LGR6: variants seen among roughly 807,000 people sequenced by gnomAD.
LGR6 encodes leucine rich repeat containing G protein-coupled receptor 6, also known as leucine-rich repeat-containing G protein-coupled receptor 6.
In LGR6, 45 loss-of-function variants were observed where a neutral mutation model predicts 69.4. The ratio of observed to expected loss-of-function variants is 0.65; its 90% CI spans 0.51 to 0.83. The LOEUF is 0.83. Among genes scored for constraint, LGR6 ranks in the 40% least tolerant of loss-of-function variants. The probability of loss-of-function intolerance (pLI) is 0.00; values close to 1 mark genes in which losing one functional copy is unlikely to be tolerated. For synonymous variants in LGR6, 538 were observed against 555.0 expected (o/e 0.97, Z 0.43); for missense variants, 1,108 against 1,246.7 (o/e 0.89, Z 1.68).
intron 2 of LGR6, among the ~76,000 whole-genome samples, chr1:202,226,028 T>G (rs1387905681): frequency 1.3e-5 from 2 of 152,314 alleles, no homozygotes; most frequent in Non-Finnish European, 1.5e-5. Context: ...GCCTAAAGGA[T>G]CCATTTCTTA....
intron 9 of LGR6, among the ~76,000 whole-genome samples, chr1:202,302,416 A>C (rs941748368): frequency 6.6e-6 from 1 of 152,090 alleles, no homozygotes; most frequent in African/African-American, 2.4e-5. Context: ...AGGGCTTTTC[A>C]CAACACTCAA....
intron 4 of LGR6, among the ~76,000 whole-genome samples, chr1:202,267,226 A>G (rs3010080): frequency 0.47 from 71,594 of 151,970 alleles, 17,782 homozygotes; most frequent in East Asian, 0.7. Context: ...CCCAAGATGG[A>G]GGGATGATGG....
chr1:202,250,149 G>C (rs1663105252), intron 4 of LGR6, among the ~76,000 whole-genome samples: 1 of 152,002 alleles, frequency 6.6e-6, no homozygotes, highest in Admixed American at 6.5e-5. Flanking sequence ...CTTGCTCCTA[G>C]TTCTCCTTCT....
chr1:202,215,348 G>A (rs1659706512), intron 1 of LGR6, among the ~76,000 whole-genome samples: 1 of 152,156 alleles, frequency 6.6e-6, no homozygotes, highest in African/African-American at 2.4e-5. Context: ...CCCTGGCTGG[G>A]AGCTCAGGGA....
chr1:202,235,872 C>A, intron 3 of LGR6, 50 bp from the exon 4 acceptor site: 1 of 1,553,900 alleles, frequency 6.4e-7, no homozygotes, highest in Non-Finnish European at 8.9e-7. Flanking sequence ...ACCCTCCAGC[C>A]AGCTCTGCAT....
chr1:202,317,887 C>G, intron 17 of LGR6, 65 bp from the exon 18 acceptor site: 2 of 1,445,036 alleles, frequency 1.4e-6, no homozygotes, highest in Non-Finnish European at 9.4e-7. Context: ...AGAGGCTGAC[C>G]TTGGTCCTGA....
At chr1:202,286,123 A>G (rs1666377200) in intron 6 of LGR6, among the ~76,000 whole-genome samples, 1 of 152,136 alleles carries the variant, frequency 6.6e-6, no homozygotes, top group African/African-American at 2.4e-5. Context: ...GAGATTTTTA[A>G]TTCCTTCTGC....
intron 17 of LGR6, among the ~76,000 whole-genome samples, chr1:202,316,544 C>A (rs1444658483): frequency 1.3e-5 from 2 of 152,128 alleles, no homozygotes; most frequent in African/African-American, 4.8e-5. Flanking sequence ...CAAACCATAT[C>A]CAAATGATAA....
intron 4 of LGR6, among the ~76,000 whole-genome samples, chr1:202,238,357 C>A (rs1661791316): frequency 6.7e-6 from 1 of 149,376 alleles, no homozygotes. Context: ...CTACCTTGGT[C>A]TCCCCTCCCA....
In LGR6 at chr1:202,318,140, A is replaced by G; in HGVS notation, c.1837A>G (p.Ile613Val). 6.2e-7 allele frequency: 1 copy of G among 1,614,076 alleles called. No individual in the cohort carries two copies. Among genetic ancestry groups the G allele is most frequent in the Non-Finnish European group, 8.5e-7 (1 of 1,180,024 alleles). Residue 613 changes from isoleucine to valine, a missense_variant, in exon 18 of 18, where the codon ATT (isoleucine) becomes GTT (valine). Coordinates refer to ENST00000367278, the MANE Select transcript of LGR6 (RefSeq NM_001017403.2). ...TGCAGGCGCCAACACCTTGACTGGC[A>G]TTTCCTGTGGCCTTCTAGCCTCAGT... ...AIAGANTLTG[I>V]SCGLLASVDA...
chr1:202,244,088 G>A (rs750812582), intron 4 of LGR6, among the ~76,000 whole-genome samples: 1 of 152,114 alleles, frequency 6.6e-6, no homozygotes, highest in Non-Finnish European at 1.5e-5. Context: ...CTCCCAAGTA[G>A]CTGGGACTAT....
At chr1:202,197,967 C>T (rs927025011) in intron 1 of LGR6, among the ~76,000 whole-genome samples, 3 of 152,230 alleles carry the variant, frequency 2.0e-5, no homozygotes, top group African/African-American at 7.2e-5. Context: ...CACACCTAAG[C>T]ACCCATTTTC....
chr1:202,270,173 C>T (rs575199784), intron 4 of LGR6, among the ~76,000 whole-genome samples: 66 of 152,128 alleles, frequency 4.3e-4, no homozygotes, highest in African/African-American at 1.4e-3. Context: ...GTCATTCCTT[C>T]GCTTTTGGGG....
intron 6 of LGR6, 60 bp downstream of exon 6, chr1:202,280,912 G>C (rs2148182094): frequency 6.8e-7 from 1 of 1,466,202 alleles, no homozygotes; most frequent in East Asian, 2.3e-5. Context: ...CTGGAGTCTT[G>C]GAGTGGAGGG....
chr1:202,215,256 T>C (rs577352915), intron 1 of LGR6, among the ~76,000 whole-genome samples: 1 of 152,246 alleles, frequency 6.6e-6, no homozygotes, highest in Non-Finnish European at 1.5e-5. Flanking sequence ...CTCAGAGATG[T>C]GGTCTGACTT....
At chr1:202,227,413 G>A (rs893462707) in intron 2 of LGR6, among the ~76,000 whole-genome samples, 1 of 152,206 alleles carries the variant, frequency 6.6e-6, no homozygotes, top group Admixed American at 6.5e-5. Context: ...AGACCAGAAT[G>A]TTAGATGAAT....
chr1:202,272,852 C>T (rs1665218656), intron 4 of LGR6, among the ~76,000 whole-genome samples: 2 of 152,224 alleles, frequency 1.3e-5, no homozygotes, highest in South Asian at 4.1e-4. Flanking sequence ...TTCCCCTTGC[C>T]CTGCCCTGAC....
Position 202,280,835 on chromosome 1 carries a change from G to C in LGR6, c.699G>C (p.Leu233=). 6.2e-7 allele frequency: 1 copy of C among 1,613,844 alleles called. No homozygotes were observed. Among genetic ancestry groups the C allele is most frequent in the Non-Finnish European group, 8.5e-7 (1 of 1,179,850 alleles). Residue 233 remains leucine (L), a synonymous_variant, in exon 6 of 18, where the codon CTG becomes CTC. Transcript: ENST00000367278. ...QHLGTHSFEG[L]HNLETLDLNY... is the part of the protein sequence containing the mutation. ...TGGGGACCCACAGCTTCGAGGGGCT[G>C]CACAATCTGGAGACACTGTGAGTTT...
intron 16 of LGR6, among the ~76,000 whole-genome samples, chr1:202,313,153 G>A (rs1653875358): frequency 6.6e-6 from 1 of 151,906 alleles, no homozygotes; most frequent in Admixed American, 6.6e-5. Flanking sequence ...CGTGAACCCA[G>A]GAGGCAGAGC....
Sources: allele counts gnomAD v4.1 joint callset (sites outside exome capture counted in the v4.1 genomes callset), GRCh38; gene constraint gnomAD v4.1.1; transcripts MANE v1.5; gene names NCBI Gene and HGNC (gene_info 2026-07-23, HGNC 2026-07-21).